Variants in ITIH5 observed in about 807,000 individuals in gnomAD.
ITIH5 encodes the protein inter-alpha-trypsin inhibitor heavy chain H5.
In ITIH5, 65 loss-of-function variants were observed where a neutral mutation model predicts 77.5. That is an observed-to-expected ratio of 0.84 (90% confidence interval 0.69 to 1.03). The LOEUF (loss-of-function observed/expected upper bound fraction) is 1.03, where lower values mean the gene tolerates loss of function less well. Among genes scored for constraint, ITIH5 ranks in the 50% least tolerant of loss-of-function variants. ITIH5 has a pLI of 0.00. For missense variants in ITIH5, 1,208 were observed against 1,213.1 expected (o/e 1.00, Z 0.06); for synonymous variants, 525 against 494.3 (o/e 1.06, Z -0.82).
intron 11 of ITIH5, among the ~76,000 whole-genome samples, chr10:7,571,090 G>A (rs1377204447): frequency 1.3e-5 from 2 of 152,206 alleles, no homozygotes; most frequent in African/African-American, 4.8e-5. Context: ...CAGCATCCCT[G>A]ACACGGGCCC....
chr10:7,642,609 T>C (rs1226817003), intron 2 of ITIH5, among the ~76,000 whole-genome samples: 3 of 152,114 alleles, frequency 2.0e-5, no homozygotes, highest in Non-Finnish European at 2.9e-5. Context: ...TACTGTGAAA[T>C]AGGAATCAAT....
intron 6 of ITIH5, among the ~76,000 whole-genome samples, chr10:7,616,757 G>A (rs1833375686): frequency 6.6e-6 from 1 of 152,166 alleles, no homozygotes; most frequent in Admixed American, 6.5e-5. Flanking sequence ...GAACCTGGGA[G>A]ACGAAGGTTG....
chr10:7,628,555 T>TCCACAATATGGCATGTA (rs1456461535), intron 5 of ITIH5, among the ~76,000 whole-genome samples: 1 of 152,020 alleles, frequency 6.6e-6, no homozygotes, highest in Non-Finnish European at 1.5e-5. Flanking sequence ...ATACCATGTA[T>TCCACAATATGGCATGTA]TCGTGTTGTG....
rs770780812 is a variant in ITIH5, at chr10:7,566,064, G to A, written c.2493C>T (p.Ser831=). 21 of 1,614,002 alleles carry A rather than the reference G, an allele frequency of 1.3e-5. No homozygotes were observed. In the Admixed American group the frequency reaches 1.3e-4, roughly 10 times the overall value. Residue 831 remains serine, a synonymous_variant, in exon 13 of 14, where the codon AGC becomes AGT. Transcript: ENST00000397146. ...CGTGGCAGTTGCTGGAAAGGCCCTC[G>A]CTGTTGGCAATGTAGAAACCCAGGT... ...RHHLGFYIAN[S]EGLSSNCHGL...
chr10:7,662,329 C>G (rs550673323), intron 1 of ITIH5, among the ~76,000 whole-genome samples: 11 of 151,860 alleles, frequency 7.2e-5, no homozygotes, highest in African/African-American at 2.7e-4. Context: ...TGCGCTCCAG[C>G]CTGGGCAACA....
At chr10:7,581,721 CTTTTTT>C (rs142992412) in intron 8 of ITIH5, among the ~76,000 whole-genome samples, 1 of 101,724 alleles carries the variant, frequency 9.8e-6, no homozygotes, top group African/African-American at 3.6e-5. Context: ...TCTTTTCCTT[CTTTTTT>C]TTTTTTTTTT....
chr10:7,585,854 CA>C, intron 8 of ITIH5, 46 bp downstream of exon 8: 2 of 916,788 alleles, frequency 2.2e-6, no homozygotes, highest in South Asian at 2.0e-5. Flanking sequence ...AAAAAAAAAA[CA>C]TTATTTCAAA....
intron 1 of ITIH5, among the ~76,000 whole-genome samples, chr10:7,657,068 GGA>G (rs1417899566): frequency 3.2e-5 from 3 of 94,712 alleles, no homozygotes; most frequent in African/African-American, 8.6e-5. Context: ...TTTTTTAGAC[GGA>G]GTCTTGTTCT....
At chr10:7,623,559 T>C (rs1833507859) in intron 5 of ITIH5, among the ~76,000 whole-genome samples, 1 of 151,870 alleles carries the variant, frequency 6.6e-6, no homozygotes, top group South Asian at 2.1e-4. Flanking sequence ...ATCCCAGCAC[T>C]TTGGGAGGCC....
chr10:7,562,675 T>G lies in ITIH5; in HGVS notation c.*408A>C. The G allele has an allele frequency of 4.8e-6, 1 of 207,104 alleles. No individual in the cohort carries two copies. Among genetic ancestry groups the G allele is most frequent in the East Asian group, 1.1e-4 (1 of 8,748 alleles). The allele number at this position is 207,104 out of a possible 1,614,324, so 12.8% of individuals were successfully genotyped here. A position where few individuals can be genotyped will look rare whatever the true frequency, so the allele number is the denominator to read the frequency against. On this transcript the variant is annotated 3_prime_UTR_variant, in exon 14 of 14. Transcript: ENST00000397146. ...CATTAGTGTAAGGCAAAAAGCAGAGTGCCTAAACTTGTCCATTTCCACCAA... is the reference window on the plus strand; with the variant it reads ...CATTAGTGTAAGGCAAAAAGCAGAGGGCCTAAACTTGTCCATTTCCACCAA...
chr10:7,627,869 T>C (rs11255257), intron 5 of ITIH5, among the ~76,000 whole-genome samples: 52,914 of 136,528 alleles, frequency 0.39, 10,973 homozygotes, highest in African/African-American at 0.5. Context: ...GACAGAGTCT[T>C]GCTGCTCTGT....
In ITIH5 at chr10:7,579,854, T is replaced by G. The variant is rs780833635; in HGVS notation, c.1319A>C (p.Asn440Thr). Residue 440 changes from asparagine to threonine, a missense_variant, in exon 9 of 14, where the codon AAC (asparagine) becomes ACC (threonine). Asn to Thr is a moderately conservative substitution (Grantham distance 65). Transcript: ENST00000397146. ...CTCCAGCAGCCTGAAGTCCACGTCG[T>G]TGCCGATGCCAATGGTGAAGATGCA... ...QVCIFTIGIG[N>T]DVDFRLLEKL... 1 of 1,614,102 alleles carries G rather than the reference T, an allele frequency of 6.2e-7. No individual in the cohort carries two copies. The highest frequency in any genetic ancestry group is 1.3e-5 in the African/African-American group (1 of 74,942).
chr10:7,629,269 ATGTTGTAGCGTGTGTCCC>A (rs1564269622), intron 5 of ITIH5, among the ~76,000 whole-genome samples: 1,171 of 67,322 alleles, frequency 0.017, 122 homozygotes, highest in East Asian at 0.028. Context: ...GCGTGTGTCC[ATGTTGTAGCGTGTGTCCC>A]TGTTGTAGCG....
chr10:7,624,873 GTATGTATATATATGTGTA>G (rs1833548027), intron 5 of ITIH5, among the ~76,000 whole-genome samples: 1 of 23,500 alleles, frequency 4.3e-5, no homozygotes. Context: ...ATGTATATAT[GTATGTATATATATGTGTA>G]TATATATACA....
At chr10:7,576,087 C>T (rs1379811103) in intron 10 of ITIH5, among the ~76,000 whole-genome samples, 3 of 152,110 alleles carry the variant, frequency 2.0e-5, no homozygotes, top group South Asian at 2.1e-4. Context: ...AGCAATGGTA[C>T]GATCATGGCT....
intron 5 of ITIH5, chr10:7,619,489 A>G: frequency 5.2e-6 from 1 of 192,286 alleles, no homozygotes; most frequent in Non-Finnish European, 1.2e-5. Flanking sequence ...ATGCTAGCTT[A>G]TATCATTACT....
At chr10:7,625,500 C>T (rs1833561234) in intron 5 of ITIH5, among the ~76,000 whole-genome samples, 1 of 152,154 alleles carries the variant, frequency 6.6e-6, no homozygotes, top group South Asian at 2.1e-4. Flanking sequence ...GCATGTGGAT[C>T]ACACCTGTAA....
At chr10:7,639,431 G>C (rs1352913951) in intron 4 of ITIH5, among the ~76,000 whole-genome samples, 1 of 152,222 alleles carries the variant, frequency 6.6e-6, no homozygotes, top group East Asian at 1.9e-4. Flanking sequence ...CTGGACCTTG[G>C]TTGCTTTTCT....
chr10:7,595,674 T>C (rs1384537583), intron 7 of ITIH5, among the ~76,000 whole-genome samples: 2 of 152,218 alleles, frequency 1.3e-5, no homozygotes, highest in Admixed American at 1.3e-4. Context: ...TTTAATTTCT[T>C]TCTATTTAAA....
Sources: gnomAD v4.1 joint callset for allele counts (sites outside exome capture counted in the v4.1 genomes callset) on GRCh38, gnomAD v4.1.1 for gene constraint, MANE v1.5 for transcripts, NCBI Gene and HGNC (gene_info 2026-07-23, HGNC 2026-07-21) for gene names.